The following RPA1 variants were observed in gnomAD, a reference collection of about 807,000 sequenced individuals.
The protein encoded by RPA1 is replication protein A 70 kDa DNA-binding subunit.
In RPA1, 49 loss-of-function variants were observed where a neutral mutation model predicts 83.0. The observed-to-expected ratio is 0.59, with a 90% CI of 0.47 to 0.75. The LOEUF (loss-of-function observed/expected upper bound fraction) is 0.75, where lower values mean the gene tolerates loss of function less well. Among genes scored for constraint, RPA1 ranks in the 30% least tolerant of loss-of-function variants. RPA1 has a pLI of 0.00. For missense variants in RPA1, 693 were observed against 776.1 expected, an observed-to-expected ratio of 0.89 and a Z score of 1.27; for synonymous variants, 279 against 281.8, an observed-to-expected ratio of 0.99 and a Z score of 0.10.
At chr17:1,850,768 T>C (rs1373171644) in intron 4 of RPA1, among the ~76,000 whole-genome samples, 1 of 150,884 alleles carries the variant, frequency 6.6e-6, no homozygotes, top group Non-Finnish European at 1.5e-5. Context: ...GGCGGGTGCC[T>C]GTAATCCCAG....
At chr17:1,878,612 C>T (rs1487941525) in intron 8 of RPA1, among the ~76,000 whole-genome samples, 2 of 152,200 alleles carry the variant, frequency 1.3e-5, no homozygotes, top group Admixed American at 6.5e-5. Context: ...TGAATCACCC[C>T]GTGGCAGCAC....
At chr17:1,856,652 T>A (rs1487852602) in intron 5 of RPA1, among the ~76,000 whole-genome samples, 1 of 151,302 alleles carries the variant, frequency 6.6e-6, no homozygotes, top group Admixed American at 6.6e-5. Context: ...ATTTAATTTT[T>A]ATTTTTATTT....
In RPA1 at chr17:1,851,466, G is replaced by A. The variant is rs1912495322; in HGVS notation, c.273-1635G>A. Among the ~76,000 whole-genome samples, 5 of 152,142 alleles carry A rather than the reference G, an allele frequency of 3.3e-5. No individual in the cohort carries two copies. The South Asian group carries it at 1.0e-3, about 31-fold the overall frequency. On this transcript the variant is annotated intron_variant, in intron 4 of 16. Transcript: ENST00000254719. ...CACCTTGTGCAGTTTCCCCCAGTCT[G>A]GATTTGGCTGATTGCATCCCTGTAA...
At chr17:1,868,536 C>T (rs551091815) in intron 5 of RPA1, among the ~76,000 whole-genome samples, 100 of 152,104 alleles carry the variant, frequency 6.6e-4, no homozygotes, top group Non-Finnish European at 1.2e-3. Context: ...TTTGGGAAGC[C>T]GAGGCGGGTG....
chr17:1,849,543 C>T (rs1036970530), intron 4 of RPA1, among the ~76,000 whole-genome samples: 15 of 151,800 alleles, frequency 9.9e-5, no homozygotes, highest in Non-Finnish European at 2.1e-4. Context: ...CTGCCCACCT[C>T]GGCCTCCCAA....
intron 6 of RPA1, among the ~76,000 whole-genome samples, chr17:1,873,710 C>T (rs946000741): frequency 2.0e-5 from 3 of 151,930 alleles, no homozygotes; most frequent in Non-Finnish European, 4.4e-5. Context: ...TGCTGTTGGC[C>T]AGGCTTGGTG....
At chr17:1,866,047 C>T (rs1383230885) in intron 5 of RPA1, among the ~76,000 whole-genome samples, 3 of 152,034 alleles carry the variant, frequency 2.0e-5, no homozygotes, top group Admixed American at 2.0e-4. Flanking sequence ...TTAAGACCAG[C>T]CTGGGCAACA....
At chr17:1,831,402 C>T (rs893533576) in intron 1 of RPA1, among the ~76,000 whole-genome samples, 1 of 152,052 alleles carries the variant, frequency 6.6e-6, no homozygotes, top group Non-Finnish European at 1.5e-5. Flanking sequence ...CTATCAAGCC[C>T]ACTGGCTTCT....
intron 9 of RPA1, 47 bp downstream of exon 9, chr17:1,879,108 G>A (rs1358793033): frequency 2.5e-6 from 4 of 1,612,902 alleles, no homozygotes; most frequent in Non-Finnish European, 3.4e-6. Context: ...GGGGTGGAGT[G>A]CGGATGAAAA....
chr17:1,857,866 G>A (rs3729643), intron 5 of RPA1, among the ~76,000 whole-genome samples: 4 of 139,850 alleles, frequency 2.9e-5, no homozygotes, highest in East Asian at 2.1e-4. Context: ...AAACTAGACC[G>A]TTTTCCACTA....
chr17:1,857,319 A>C (rs1407643610), intron 5 of RPA1, among the ~76,000 whole-genome samples: 1 of 150,980 alleles, frequency 6.6e-6, no homozygotes, highest in Non-Finnish European at 1.5e-5. Context: ...TCAGAAAAAA[A>C]GGGTACATTA....
chr17:1,838,846 TA>T (rs771744703), intron 1 of RPA1, among the ~76,000 whole-genome samples: 3 of 152,146 alleles, frequency 2.0e-5, no homozygotes, highest in East Asian at 1.9e-4. Flanking sequence ...TTTATTTATT[TA>T]TTTTTTTAAT....
intron 5 of RPA1, 42 bp from the exon 6 acceptor site, chr17:1,872,391 CA>C: frequency 1.2e-6 from 2 of 1,603,672 alleles, no homozygotes; most frequent in African/African-American, 1.3e-5. Flanking sequence ...TCTCTTAACC[CA>C]AATCCTTTGC....
At chr17:1,872,340 A>T (rs1210256257) in intron 5 of RPA1, 94 bp from the exon 6 acceptor site, 32 of 1,519,764 alleles carry the variant, frequency 2.1e-5, no homozygotes, top group Admixed American at 1.3e-4. Flanking sequence ...AAAATAAAAA[A>T]TTTACACTTT....
chr17:1,844,506 C>A, intron 3 of RPA1, 72 bp from the exon 4 acceptor site: 3 of 1,142,548 alleles, frequency 2.6e-6, no homozygotes, highest in Non-Finnish European at 3.9e-6. Flanking sequence ...TTTGCTAGCA[C>A]AGGTATGAGT....
intron 1 of RPA1, among the ~76,000 whole-genome samples, chr17:1,832,547 C>T (rs950977857): frequency 2.0e-5 from 3 of 151,854 alleles, no homozygotes; most frequent in Non-Finnish European, 4.4e-5. Context: ...CCATGATGCC[C>T]GGCTAATTTT....
In RPA1 at chr17:1,830,036, C is replaced by T. The variant is rs1350544663; in HGVS notation, c.-58C>T. ...CCAATAACTGCGCAGCGCGCGGGAC[C>T]CGGGTGGGGAAGCTGGAGCTGTTGC... On this transcript the variant is annotated 5_prime_UTR_variant, in exon 1 of 17. Transcript: ENST00000254719. The T allele has an allele frequency of 1.5e-5, 19 of 1,245,344 alleles. No individual in the cohort carries two copies. The highest frequency in any genetic ancestry group is 1.9e-5 in the Non-Finnish European group (19 of 985,182). 77.1% of individuals were successfully genotyped at this position (1,245,344 alleles called of 1,614,324 possible). A position where few individuals can be genotyped will look rare whatever the true frequency, so the allele number is the denominator to read the frequency against.
chr17:1,837,747 CT>C (rs1201233785), intron 1 of RPA1, among the ~76,000 whole-genome samples: 3 of 152,188 alleles, frequency 2.0e-5, no homozygotes, highest in Non-Finnish European at 2.9e-5. Context: ...CTGTTCACAT[CT>C]TTTGTTCACC....
At chr17:1,869,990 T>C (rs1023288060) in intron 5 of RPA1, among the ~76,000 whole-genome samples, 3 of 152,132 alleles carry the variant, frequency 2.0e-5, no homozygotes, top group African/African-American at 4.8e-5. Context: ...GCTGCCAGAA[T>C]TGGTCGTTCA....
Sources: allele counts gnomAD v4.1 joint callset (sites outside exome capture counted in the v4.1 genomes callset), GRCh38; gene constraint gnomAD v4.1.1; transcripts MANE v1.5; gene names NCBI Gene and HGNC (gene_info 2026-07-23, HGNC 2026-07-21).